RARB: variants seen among roughly 807,000 people sequenced by gnomAD.
RARB encodes HBV-activated protein.
Under a neutral mutation model 51.9 loss-of-function variants are expected in RARB, and 17 were observed. That is an observed-to-expected ratio of 0.33 (90% CI 0.22 to 0.49). The LOEUF is 0.49. RARB is among the 20% of genes least tolerant of loss of function. The probability of loss-of-function intolerance (pLI) is 0.99; values close to 1 mark genes in which losing one functional copy is unlikely to be tolerated. For synonymous variants in RARB, 215 were observed against 195.4 expected, an observed-to-expected ratio of 1.10 and a Z score of -0.84; for missense variants, 369 against 550.8, an observed-to-expected ratio of 0.67 and a Z score of 3.30.
chr3:25,126,771 C>G (rs915104672), intron 3 of RARB, among the ~76,000 whole-genome samples: 1 of 152,200 alleles, frequency 6.6e-6, no homozygotes, highest in Non-Finnish European at 1.5e-5. Flanking sequence ...CTAGTTTTCA[C>G]CATGTCATGG....
chr3:25,321,338 TG>T (rs1704563087), intron 5 of RARB, among the ~76,000 whole-genome samples: 1 of 152,194 alleles, frequency 6.6e-6, no homozygotes, highest in East Asian at 1.9e-4. Context: ...AACTGAATAT[TG>T]GTATAATACA....
chr3:25,234,943 A>G (rs1189703564), intron 5 of RARB, among the ~76,000 whole-genome samples: 1 of 152,166 alleles, frequency 6.6e-6, no homozygotes, highest in Non-Finnish European at 1.5e-5. Flanking sequence ...GACTGGGAAC[A>G]TTCTTAGAGC....
intron 3 of RARB, among the ~76,000 whole-genome samples, chr3:25,114,179 T>A (rs1699648446): frequency 6.6e-6 from 1 of 152,192 alleles, no homozygotes; most frequent in African/African-American, 2.4e-5. Flanking sequence ...TAAAGCCTTT[T>A]CTGTTCCACC....
chr3:25,441,189 C>T (rs951026254), intron 1 of RARB: 18 of 232,044 alleles, frequency 7.8e-5, no homozygotes, highest in African/African-American at 3.7e-4. Flanking sequence ...AATTGTTAAA[C>T]GTTTGATATG....
intron 3 of RARB, among the ~76,000 whole-genome samples, chr3:25,077,792 T>A (rs1698900588): frequency 6.6e-6 from 1 of 152,172 alleles, no homozygotes; most frequent in Non-Finnish European, 1.5e-5. Flanking sequence ...GTTTTACCAT[T>A]TTACAATACT....
At chr3:25,442,318 T>C (rs1210820247) in intron 1 of RARB, among the ~76,000 whole-genome samples, 1 of 152,072 alleles carries the variant, frequency 6.6e-6, no homozygotes, top group African/African-American at 2.4e-5. Context: ...GTGTTTTTAG[T>C]AGAGACGGGG....
At chr3:25,014,846 GA>G (rs202090192) in intron 2 of RARB, among the ~76,000 whole-genome samples, 3 of 150,684 alleles carry the variant, frequency 2.0e-5, no homozygotes, top group Middle Eastern at 3.4e-3. Context: ...TAATTAGGCA[GA>G]AAAAAAAACC....
intron 5 of RARB, among the ~76,000 whole-genome samples, chr3:25,271,815 C>A (rs902761652): frequency 1.2e-4 from 18 of 152,074 alleles, no homozygotes; most frequent in African/African-American, 4.1e-4. Flanking sequence ...TCTAGTAAGG[C>A]TTTTTTAAAA....
intron 2 of RARB, among the ~76,000 whole-genome samples, chr3:25,467,023 A>G (rs1695463342): frequency 6.6e-6 from 1 of 152,196 alleles, no homozygotes; most frequent in South Asian, 2.1e-4. Flanking sequence ...CCACACTGCT[A>G]AAAGAAGTTC....
intron 2 of RARB, among the ~76,000 whole-genome samples, chr3:24,973,405 C>T (rs991187632): frequency 1.3e-5 from 2 of 151,932 alleles, no homozygotes; most frequent in African/African-American, 2.4e-5. Context: ...TAGTATAATG[C>T]CCCCAACTTA....
At chr3:25,549,335 T>C (rs771716512) in intron 3 of RARB, among the ~76,000 whole-genome samples, 4 of 152,096 alleles carry the variant, frequency 2.6e-5, no homozygotes, top group Non-Finnish European at 4.4e-5. Flanking sequence ...ATTCAGAAGC[T>C]CTGAAGGCTC....
At position 25,576,155 on chromosome 3, in the gene RARB, A is replaced by G. The variant is rs555169255; in HGVS notation, c.610-4391A>G. Among the ~76,000 whole-genome samples the G allele has an allele frequency of 8.3e-4, 126 of 152,196 alleles. 1 individual carries two copies. Among genetic ancestry groups the G allele is most frequent in the South Asian group, 7.7e-3 (37 of 4,810 alleles). ...GGCTGGGTGGGAGGGAGGCAGAGCT[A>G]AGTTTGAGGAGGTAGGTCAGGGCTA... On this transcript the variant is annotated intron_variant, in intron 4 of 7. Transcript: ENST00000330688.
At chr3:24,890,961 T>C (rs983979631) in intron 2 of RARB, among the ~76,000 whole-genome samples, 1 of 152,140 alleles carries the variant, frequency 6.6e-6, no homozygotes, top group Non-Finnish European at 1.5e-5. Flanking sequence ...TTAGAGGTAT[T>C]ATTGGATAGA....
chr3:25,173,667 TTTCA>T (rs1244539689), intron 4 of RARB, among the ~76,000 whole-genome samples: 5 of 152,048 alleles, frequency 3.3e-5, no homozygotes, highest in Non-Finnish European at 7.4e-5. Context: ...AGAAAAAAAA[TTTCA>T]TTCATTCAAC....
intron 5 of RARB, among the ~76,000 whole-genome samples, chr3:25,341,501 A>AAG (rs1353064310): frequency 2.6e-5 from 4 of 152,166 alleles, no homozygotes; most frequent in Non-Finnish European, 5.9e-5. Context: ...TGAATAAAGC[A>AAG]AGAGGGCTTA....
intron 2 of RARB, among the ~76,000 whole-genome samples, chr3:25,024,705 A>G (rs1445147232): frequency 6.6e-6 from 1 of 152,280 alleles, no homozygotes; most frequent in South Asian, 2.1e-4. Context: ...TAATCCCAGC[A>G]CTTTGGGAGG....
intron 2 of RARB, chr3:24,858,868 C>G (rs896969717): frequency 6.6e-6 from 1 of 151,660 alleles, no homozygotes; most frequent in Non-Finnish European, 1.5e-5. Flanking sequence ...ATAACCCCGT[C>G]CCTATTAAAA....
chr3:25,418,500 G>A (rs747544769), intron 5 of RARB, among the ~76,000 whole-genome samples: 40 of 152,040 alleles, frequency 2.6e-4, no homozygotes, highest in African/African-American at 4.3e-4. Flanking sequence ...TACCTAACCC[G>A]ACCCAGCAGA....
intron 4 of RARB, among the ~76,000 whole-genome samples, chr3:25,571,288 G>A (rs530616604): frequency 4.6e-5 from 7 of 152,340 alleles, no homozygotes; most frequent in African/African-American, 1.2e-4. Context: ...TGGTGAACTC[G>A]TTACAGTGCA....
Sources: allele counts gnomAD v4.1 joint callset (sites outside exome capture counted in the v4.1 genomes callset), GRCh38; gene constraint gnomAD v4.1.1; transcripts MANE v1.5; gene names NCBI Gene and HGNC (gene_info 2026-07-23, HGNC 2026-07-21).